The following MAML2 variants were observed in gnomAD, a reference collection of about 807,000 sequenced individuals.
MAML2 encodes the protein mastermind-like protein 2.
In MAML2, 22 loss-of-function variants were observed where a neutral mutation model predicts 96.1. The ratio of observed to expected loss-of-function variants is 0.23; its 90% confidence interval spans 0.16 to 0.33. MAML2 has a LOEUF of 0.33. MAML2 is among the 10% of genes least tolerant of loss of function. MAML2 has a pLI of 1.00. For missense variants in MAML2, 1,367 were observed against 1,392.4 expected (o/e 0.98, Z 0.29); for synonymous variants, 561 against 521.3 (o/e 1.08, Z -1.04).
intron 1 of MAML2, among the ~76,000 whole-genome samples, chr11:96,147,189 CT>C (rs1860834875): frequency 6.6e-6 from 1 of 152,134 alleles, no homozygotes. Context: ...TACAGCTAAA[CT>C]TTTTTCCTCA....
intron 1 of MAML2, among the ~76,000 whole-genome samples, chr11:96,190,105 T>C (rs548880665): frequency 2.6e-5 from 4 of 152,338 alleles, no homozygotes; most frequent in African/African-American, 9.6e-5. Context: ...GAGCACTGAA[T>C]TTTTAGTTTT....
In MAML2 at chr11:96,093,590, G is replaced by T; in HGVS notation, c.514-73C>A. 11 of 1,106,762 alleles carry T rather than the reference G, an allele frequency of 9.9e-6. No individual in the cohort carries two copies. In the South Asian group the frequency reaches 1.7e-4, roughly 17 times the overall value. The allele number at this position is 1,106,762 out of a possible 1,614,324, so 68.6% of individuals were successfully genotyped here. A position where few individuals can be genotyped will look rare whatever the true frequency, so the allele number is the denominator to read the frequency against. On this transcript the variant is annotated intron_variant, in intron 1 of 4. Transcript: ENST00000524717. ...AATGATGCTTCTCATAAAAAGTGAT[G>T]TGATATTTAAATGTTTCTTCTATTT...
intron 1 of MAML2, among the ~76,000 whole-genome samples, chr11:96,305,786 G>C (rs1414534770): frequency 6.6e-6 from 1 of 152,094 alleles, no homozygotes; most frequent in Non-Finnish European, 1.5e-5. Context: ...TGGAAATTAA[G>C]GCAGATAAAA....
chr11:96,278,690 C>A (rs1357238167), intron 1 of MAML2, among the ~76,000 whole-genome samples: 1 of 152,192 alleles, frequency 6.6e-6, no homozygotes, highest in East Asian at 1.9e-4. Context: ...GCTAAGGGAA[C>A]AGCACAGAAG....
intron 1 of MAML2, among the ~76,000 whole-genome samples, chr11:96,116,418 A>G (rs2135838844): frequency 6.6e-6 from 1 of 152,224 alleles, no homozygotes; most frequent in South Asian, 2.1e-4. Context: ...GAAGATTTGG[A>G]TTCTCTTGGC....
At chr11:96,182,957 CTTTTTTTTTTT>C (rs11301035) in intron 1 of MAML2, among the ~76,000 whole-genome samples, 1 of 108,260 alleles carries the variant, frequency 9.2e-6, no homozygotes, top group South Asian at 3.2e-4. Flanking sequence ...CCTTTCTTTT[CTTTTTTTTTTT>C]TTTTTTTTGA....
Position 96,343,152 on chromosome 11 carries a change from C to G in MAML2, c.-1257G>C, listed in dbSNP as rs982921688. 1 of 387,330 alleles carries G rather than the reference C, an allele frequency of 2.6e-6. No individual in the cohort carries two copies. Among genetic ancestry groups the G allele is most frequent in the African/African-American group, 2.1e-5 (1 of 47,716 alleles). The allele number at this position is 387,330 out of a possible 1,614,324, so 24.0% of individuals were successfully genotyped here. On this transcript the variant is annotated 5_prime_UTR_variant, in exon 1 of 5. Transcript: ENST00000524717. ...GCCCGGAGTCACGGCGATACACAGG[C>G]TTTCATTGTGCTCCGATAGGAGAGG...
At chr11:96,062,034 T>C (rs909433810) in intron 2 of MAML2, among the ~76,000 whole-genome samples, 4 of 152,222 alleles carry the variant, frequency 2.6e-5, no homozygotes, top group African/African-American at 4.8e-5. Context: ...AAAAAGTGCA[T>C]ATTTTAAAGA....
At chr11:96,152,326 G>T in intron 1 of MAML2, among the ~76,000 whole-genome samples, 1 of 152,156 alleles carries the variant, frequency 6.6e-6, no homozygotes, top group East Asian at 1.9e-4. Context: ...ACCTCTACTG[G>T]ATTTAAATGA....
chr11:96,082,514 C>T (rs1353180590), intron 2 of MAML2, among the ~76,000 whole-genome samples: 1 of 152,082 alleles, frequency 6.6e-6, no homozygotes, highest in Non-Finnish European at 1.5e-5. Flanking sequence ...ATGTTACAGC[C>T]AGTAGGGATC....
intron 1 of MAML2, among the ~76,000 whole-genome samples, chr11:96,235,153 T>A (rs564729578): frequency 6.6e-6 from 1 of 152,272 alleles, no homozygotes; most frequent in South Asian, 2.1e-4. Context: ...AAGTTTGGGA[T>A]GTGGCTCATA....
intron 1 of MAML2, among the ~76,000 whole-genome samples, chr11:96,224,662 C>G (rs552465853): frequency 6.6e-6 from 1 of 152,352 alleles, no homozygotes; most frequent in African/African-American, 2.4e-5. Context: ...CTGTTATACT[C>G]TCAGCTTCTC....
intron 1 of MAML2, among the ~76,000 whole-genome samples, chr11:96,234,297 C>T (rs1043622679): frequency 7.9e-5 from 12 of 152,210 alleles, no homozygotes; most frequent in East Asian, 5.8e-4. Flanking sequence ...GCCTGACCAA[C>T]GTGGAGGAAC....
At chr11:96,308,203 T>C (rs967786174) in intron 1 of MAML2, among the ~76,000 whole-genome samples, 5 of 152,008 alleles carry the variant, frequency 3.3e-5, no homozygotes, top group South Asian at 2.1e-4. Flanking sequence ...GTCCATGTAA[T>C]AAAGAATATA....
At chr11:96,039,029 T>C (rs1024119224) in intron 2 of MAML2, among the ~76,000 whole-genome samples, 2 of 151,976 alleles carry the variant, frequency 1.3e-5, no homozygotes, top group Non-Finnish European at 2.9e-5. Context: ...CAGGCCAAGT[T>C]CACTTGAGCC....
At chr11:96,148,703 CACACAT>C (rs1340231789) in intron 1 of MAML2, among the ~76,000 whole-genome samples, 217 of 146,018 alleles carry the variant, frequency 1.5e-3, no homozygotes, top group African/African-American at 5.3e-3. Flanking sequence ...CACACACACA[CACACAT>C]AAGCACGCAC....
chr11:96,292,768 T>C (rs368452557), intron 1 of MAML2, among the ~76,000 whole-genome samples: 1 of 152,220 alleles, frequency 6.6e-6, no homozygotes, highest in African/African-American at 2.4e-5. Context: ...ATGGCTATCA[T>C]TATGGTAGGC....
rs1338926883 is a variant in MAML2 at position 96,342,603 on chromosome 11, G to C, written c.-708C>G. On this transcript the variant is annotated 5_prime_UTR_variant, in exon 1 of 5. Coordinates refer to ENST00000524717, the MANE Select transcript of MAML2 (RefSeq NM_032427.4). ...GTTTTCTCCTCTTTGGGGTACTGTA[G>C]GATGTTGTCTTCTCCCAAAAGAGGG... The C allele has an allele frequency of 2.5e-6, 1 of 393,604 alleles. No homozygotes were observed. The highest frequency in any genetic ancestry group is 2.1e-5 in the African/African-American group (1 of 48,530). 24.4% of individuals were successfully genotyped at this position (393,604 alleles called of 1,614,324 possible).
intron 2 of MAML2, among the ~76,000 whole-genome samples, chr11:96,030,395 A>G (rs1858594287): frequency 6.6e-6 from 1 of 152,196 alleles, no homozygotes; most frequent in African/African-American, 2.4e-5. Context: ...GAAGAAATGA[A>G]TAGATAAACA....
Sources: gnomAD v4.1 joint callset for allele counts (sites outside exome capture counted in the v4.1 genomes callset) on GRCh38, gnomAD v4.1.1 for gene constraint, MANE v1.5 for transcripts, NCBI Gene and HGNC (gene_info 2026-07-23, HGNC 2026-07-21) for gene names.